Variants in ATP2B4 observed in about 807,000 individuals in gnomAD.
ATP2B4 encodes ATPase plasma membrane Ca2+ transporting 4, also known as plasma membrane calcium-transporting ATPase 4.
A neutral mutation model predicts 110.3 loss-of-function variants in ATP2B4; 39 were observed. That is an observed-to-expected ratio of 0.35 (90% CI 0.27 to 0.46). The LOEUF is 0.46. Among genes scored for constraint, ATP2B4 ranks in the 20% least tolerant of loss-of-function variants. The pLI, the probability that ATP2B4 is intolerant of heterozygous loss-of-function variation, is 1.00. For synonymous variants in ATP2B4, 538 were observed against 571.7 expected (o/e 0.94, Z 0.84); for missense variants, 1,135 against 1,530.9 (o/e 0.74, Z 4.32).
At chr1:203,663,487 T>C (rs937598339) in intron 1 of ATP2B4, among the ~76,000 whole-genome samples, 1 of 152,142 alleles carries the variant, frequency 6.6e-6, no homozygotes, top group Admixed American at 6.5e-5. Context: ...CTGTTACCTC[T>C]GAGAGGAAGT....
At chr1:203,667,352 G>A (rs1336369399) in intron 1 of ATP2B4, among the ~76,000 whole-genome samples, 1 of 152,202 alleles carries the variant, frequency 6.6e-6, no homozygotes, top group African/African-American at 2.4e-5. Context: ...AAGTACATTA[G>A]CAAAGGAGCA....
In ATP2B4 at chr1:203,708,100, T is replaced by C. The variant is rs1313401592; in HGVS notation, c.1553T>C (p.Ile518Thr). ...ATCAACAGTGCTTATACCTCCAAGA[T>C]TCTGGTAAGCATTTCCTTTGCGTAG... is the stretch of plus-strand genomic sequence containing the variant. ...ISINSAYTSK[I>T]LPPEKEGGLP... is the part of the protein sequence containing the mutation. The change falls in exon 10 of 21, where the codon ATT (isoleucine) becomes ACT (threonine). Residue 518 changes from isoleucine (I) to threonine (T), a missense_variant. Coordinates refer to ENST00000357681, the MANE Select transcript of ATP2B4 (RefSeq NM_001684.5). 1 of 1,614,084 alleles carries C rather than the reference T, an allele frequency of 6.2e-7. No homozygotes were observed. Among genetic ancestry groups the C allele is most frequent in the African/African-American group, 1.3e-5 (1 of 74,948 alleles).
chr1:203,707,759 A>G, intron 9 of ATP2B4, 103 bp from the exon 10 acceptor site: 1 of 1,481,066 alleles, frequency 6.8e-7, no homozygotes, highest in Non-Finnish European at 9.2e-7. Context: ...GTGGGACTGG[A>G]AGATGAAATG....
intron 6 of ATP2B4, 38 bp downstream of exon 6, chr1:203,700,961 T>A (rs1396843895): frequency 1.9e-6 from 3 of 1,598,058 alleles, no homozygotes; most frequent in Admixed American, 1.7e-5. Context: ...TTTCCTCTCA[T>A]CCCCATGGAC....
At chr1:203,665,667 G>A (rs1269977797) in intron 1 of ATP2B4, among the ~76,000 whole-genome samples, 2 of 152,098 alleles carry the variant, frequency 1.3e-5, no homozygotes, top group Non-Finnish European at 2.9e-5. Context: ...AGGCACAGTG[G>A]TGCGTGCCTG....
At chr1:203,721,733 G>T (rs974750883) in intron 17 of ATP2B4, among the ~76,000 whole-genome samples, 2 of 150,424 alleles carry the variant, frequency 1.3e-5, no homozygotes, top group Admixed American at 6.6e-5. Context: ...CGCTAACTCG[G>T]GTCACTGCAA....
rs1043033526 is a variant in ATP2B4, at chr1:203,724,479, T to G, written c.3132+491T>G. ...TTGCAGTGAGCCGAGATTGCGCCAC[T>G]GCACTCCAGCCTGGGCGACAGAGCA... On this transcript the variant is annotated intron_variant, in intron 19 of 20. Transcript: ENST00000357681. Among the ~76,000 whole-genome samples the G allele has an allele frequency of 1.1e-4, 17 of 151,268 alleles. No homozygotes were observed. The South Asian group carries it at 1.9e-3, about 17-fold the overall frequency.
At chr1:203,665,736 G>A (rs1004701490) in intron 1 of ATP2B4, among the ~76,000 whole-genome samples, 1 of 147,044 alleles carries the variant, frequency 6.8e-6, no homozygotes, top group African/African-American at 2.5e-5. Flanking sequence ...GGAGGCGGAG[G>A]TTGCAGTGAG....
At chr1:203,651,951 C>A (rs1664010405) in intron 1 of ATP2B4, among the ~76,000 whole-genome samples, 1 of 150,492 alleles carries the variant, frequency 6.6e-6, no homozygotes, top group Non-Finnish European at 1.5e-5. Flanking sequence ...GTCCTAGCTA[C>A]TCAGGAGGCT....
chr1:203,670,944 T>C (rs1382666492), intron 1 of ATP2B4, among the ~76,000 whole-genome samples: 1 of 152,228 alleles, frequency 6.6e-6, no homozygotes, highest in Non-Finnish European at 1.5e-5. Flanking sequence ...TCAGTTATCA[T>C]ATGAGATGGG....
chr1:203,674,799 G>A (rs1361739729), intron 1 of ATP2B4, among the ~76,000 whole-genome samples: 1 of 151,912 alleles, frequency 6.6e-6, no homozygotes, highest in African/African-American at 2.4e-5. Context: ...TGGGACTACA[G>A]GCACGTGCCA....
chr1:203,717,513 T>A (rs1666191041), intron 15 of ATP2B4, among the ~76,000 whole-genome samples: 1 of 152,096 alleles, frequency 6.6e-6, no homozygotes, highest in Non-Finnish European at 1.5e-5. Context: ...CCCCAGTTGT[T>A]TTTAATAGCT....
intron 16 of ATP2B4, 47 bp from the exon 17 acceptor site, chr1:203,721,150 G>A (rs751627222): frequency 1.9e-6 from 3 of 1,599,982 alleles, no homozygotes; most frequent in South Asian, 1.1e-5. Flanking sequence ...GCAAAGGTGG[G>A]CTGGTTTCAG....
intron 1 of ATP2B4, among the ~76,000 whole-genome samples, chr1:203,627,533 T>C (rs1270723342): frequency 6.6e-5 from 10 of 151,476 alleles, no homozygotes; most frequent in Non-Finnish European, 1.2e-4. Flanking sequence ...TTGGAAAAAA[T>C]ATTTATCTCC....
intron 2 of ATP2B4, among the ~76,000 whole-genome samples, chr1:203,692,753 G>C (rs1487689412): frequency 1.3e-5 from 2 of 152,218 alleles, no homozygotes; most frequent in African/African-American, 4.8e-5. Flanking sequence ...CTGGAGCTAA[G>C]CCACTGAGGG....
At chr1:203,683,484 T>C (rs1038304660) in intron 2 of ATP2B4, 86 bp downstream of exon 2, 2 of 1,372,904 alleles carry the variant, frequency 1.5e-6, no homozygotes, top group African/African-American at 2.9e-5. Flanking sequence ...AGAAGGCACA[T>C]TTCTGGAGGC....
intron 1 of ATP2B4, among the ~76,000 whole-genome samples, chr1:203,635,901 C>G (rs563705110): frequency 6.6e-6 from 1 of 152,286 alleles, no homozygotes; most frequent in African/African-American, 2.4e-5. Flanking sequence ...AAAGTAAGGT[C>G]CTTTAGGAAG....
chr1:203,631,829 C>T (rs1663278011), intron 1 of ATP2B4, among the ~76,000 whole-genome samples: 1 of 152,212 alleles, frequency 6.6e-6, no homozygotes, highest in Non-Finnish European at 1.5e-5. Context: ...GAGTCTCGCT[C>T]TGTCGCCCAG....
intron 1 of ATP2B4, among the ~76,000 whole-genome samples, chr1:203,642,036 G>A (rs926076430): frequency 7.9e-5 from 12 of 152,090 alleles, no homozygotes; most frequent in African/African-American, 2.4e-4. Context: ...CCCTCTGGGC[G>A]TGCTTCTGGT....
Sources: allele counts gnomAD v4.1 joint callset (sites outside exome capture counted in the v4.1 genomes callset), GRCh38; gene constraint gnomAD v4.1.1; transcripts MANE v1.5; gene names NCBI Gene and HGNC (gene_info 2026-07-23, HGNC 2026-07-21).